Variants in LDLRAD3 observed in about 807,000 individuals in gnomAD.
LDLRAD3 encodes the protein low density lipoprotein receptor class A domain containing 3, also known as low-density lipoprotein receptor class A domain-containing protein 3.
LDLRAD3 carries 20 observed loss-of-function variants against 29.4 expected under a neutral mutation model. The ratio of observed to expected loss-of-function variants is 0.68; its 90% confidence interval spans 0.48 to 0.99. The LOEUF (loss-of-function observed/expected upper bound fraction) is 0.99. Ranked by LOEUF, LDLRAD3 falls within the 50% of genes least tolerant of loss-of-function variation. The probability of loss-of-function intolerance (pLI) is 0.00; values close to 1 mark genes in which losing one functional copy is unlikely to be tolerated. For synonymous variants in LDLRAD3, 157 were observed against 192.7 expected, an observed-to-expected ratio of 0.81 and a Z score of 1.53; for missense variants, 420 against 454.3, an observed-to-expected ratio of 0.92 and a Z score of 0.69.
At chr11:36,180,465 A>G (rs892515577) in intron 4 of LDLRAD3, among the ~76,000 whole-genome samples, 3 of 152,084 alleles carry the variant, frequency 2.0e-5, no homozygotes, top group Admixed American at 2.0e-4. Flanking sequence ...GTACATGTAG[A>G]AGTAAGTAGG....
intron 1 of LDLRAD3, chr11:35,988,914 C>T (rs1851652788): frequency 6.6e-6 from 1 of 152,086 alleles, no homozygotes; most frequent in Non-Finnish European, 1.5e-5. Flanking sequence ...GTTTTTGTTG[C>T]AGTTGCTTTT....
intron 4 of LDLRAD3, among the ~76,000 whole-genome samples, chr11:36,191,704 G>C (rs558617929): frequency 1.3e-5 from 2 of 151,654 alleles, no homozygotes; most frequent in Admixed American, 6.6e-5. Flanking sequence ...ATGAATCTGG[G>C]AAAGACTTTG....
intron 4 of LDLRAD3, among the ~76,000 whole-genome samples, chr11:36,204,295 CG>C (rs1855172989): frequency 6.6e-6 from 1 of 152,076 alleles, no homozygotes; most frequent in Non-Finnish European, 1.5e-5. Flanking sequence ...CTGCTATATC[CG>C]GGGCAGCATA....
At chr11:35,989,561 T>C (rs1389551342) in intron 1 of LDLRAD3, among the ~76,000 whole-genome samples, 1 of 152,220 alleles carries the variant, frequency 6.6e-6, no homozygotes, top group Non-Finnish European at 1.5e-5. Context: ...CAGTGTTTTG[T>C]AATTCTCCTT....
intron 4 of LDLRAD3, among the ~76,000 whole-genome samples, chr11:36,178,928 G>A (rs888318052): frequency 6.6e-6 from 1 of 152,188 alleles, no homozygotes; most frequent in Non-Finnish European, 1.5e-5. Context: ...GTGTCTTGAG[G>A]TCATAGAAGT....
intron 1 of LDLRAD3, among the ~76,000 whole-genome samples, chr11:35,946,098 A>G (rs888591559): frequency 6.6e-6 from 1 of 152,180 alleles, no homozygotes; most frequent in African/African-American, 2.4e-5. Context: ...CTTTGACCCA[A>G]GTGTTGCCAG....
chr11:36,208,051 A>G (rs1378990700), intron 4 of LDLRAD3, among the ~76,000 whole-genome samples: 1 of 152,156 alleles, frequency 6.6e-6, no homozygotes, highest in Non-Finnish European at 1.5e-5. Context: ...TATTAAGAAG[A>G]GTTAGAGTTG....
chr11:35,982,848 CTTTTTTTTTTTTT>C (rs61605411), intron 1 of LDLRAD3, among the ~76,000 whole-genome samples: 3 of 88,728 alleles, frequency 3.4e-5, no homozygotes, highest in Non-Finnish European at 5.9e-5. Flanking sequence ...CTGTTTGCTG[CTTTTTTTTTTTTT>C]TTTTTTTTTT....
chr11:36,085,562 A>G (rs1294117128), intron 3 of LDLRAD3, among the ~76,000 whole-genome samples: 1 of 151,698 alleles, frequency 6.6e-6, no homozygotes, highest in Non-Finnish European at 1.5e-5. Context: ...ACAATGTTAG[A>G]TCTGTTTTTA....
At position 36,229,207 on chromosome 11, in the gene LDLRAD3, A is replaced by C. The variant is rs1475885335; in HGVS notation, c.848A>C (p.Glu283Ala). The C allele has an allele frequency of 6.2e-7, 1 of 1,613,606 alleles. No homozygotes were observed. Among genetic ancestry groups the C allele is most frequent in the Non-Finnish European group, 8.5e-7 (1 of 1,179,898 alleles). The change falls in exon 6 of 6, where the codon GAA (glutamate) becomes GCA (alanine). Residue 283 changes from glutamate (E) to alanine (A), a missense_variant. Physicochemically the swap from Glu to Ala is moderately radical, Grantham distance 107. Coordinates refer to ENST00000315571, the MANE Select transcript of LDLRAD3 (RefSeq NM_174902.4). ...CCACCGCCCTACTCTTCTGACACGG[A>C]ATCTCTGAACCAAGCCGACCTGCCC... ...LPPPPYSSDT[E>A]SLNQADLPPY...
chr11:36,214,112 C>T (rs1172599666), intron 4 of LDLRAD3, among the ~76,000 whole-genome samples: 1 of 152,128 alleles, frequency 6.6e-6, no homozygotes, highest in African/African-American at 2.4e-5. Flanking sequence ...TGGGGCCCAG[C>T]GTTGACAGGA....
chr11:36,067,720 G>C (rs936519628), intron 2 of LDLRAD3, among the ~76,000 whole-genome samples: 12 of 152,220 alleles, frequency 7.9e-5, no homozygotes, highest in Admixed American at 6.5e-4. Flanking sequence ...ACCCACGCTA[G>C]AGTGCATTGG....
chr11:36,186,393 T>A (rs1011162909), intron 4 of LDLRAD3, among the ~76,000 whole-genome samples: 4 of 152,334 alleles, frequency 2.6e-5, no homozygotes, highest in East Asian at 1.9e-4. Flanking sequence ...AGTCTTCTCT[T>A]GCAGTGAGTC....
chr11:36,055,183 T>A, intron 2 of LDLRAD3, among the ~76,000 whole-genome samples: 1 of 97,544 alleles, frequency 1.0e-5, no homozygotes, highest in African/African-American at 3.9e-5. Flanking sequence ...TTTTAAAGGA[T>A]CACTTGATTG....
chr11:36,215,298 C>CT (rs1855337020), intron 4 of LDLRAD3, among the ~76,000 whole-genome samples: 1 of 152,152 alleles, frequency 6.6e-6, no homozygotes, highest in African/African-American at 2.4e-5. Context: ...GGACTTTGGA[C>CT]TTTATTCTGA....
At chr11:36,206,443 G>C (rs1325595815) in intron 4 of LDLRAD3, among the ~76,000 whole-genome samples, 1 of 152,198 alleles carries the variant, frequency 6.6e-6, no homozygotes, top group Non-Finnish European at 1.5e-5. Flanking sequence ...CAACGTGGGA[G>C]AGAGTAAGAT....
intron 1 of LDLRAD3, among the ~76,000 whole-genome samples, chr11:35,950,575 G>T (rs1565118405): frequency 6.6e-6 from 1 of 152,102 alleles, no homozygotes; most frequent in Admixed American, 6.5e-5. Context: ...TACTGTATAT[G>T]TAAAACCTTT....
chr11:36,128,725 T>A (rs1458184449), intron 4 of LDLRAD3, among the ~76,000 whole-genome samples: 2 of 152,070 alleles, frequency 1.3e-5, no homozygotes, highest in Non-Finnish European at 2.9e-5. Flanking sequence ...GATAGGCACC[T>A]GTAGTCTCAG....
At chr11:36,147,700 TATCTGAC>T (rs1258340304) in intron 4 of LDLRAD3, among the ~76,000 whole-genome samples, 1 of 152,206 alleles carries the variant, frequency 6.6e-6, no homozygotes, top group Non-Finnish European at 1.5e-5. Flanking sequence ...TGGTATGATG[TATCTGAC>T]ACTGCAGTTG....
Sources: gnomAD v4.1 joint callset for allele counts (sites outside exome capture counted in the v4.1 genomes callset) on GRCh38, gnomAD v4.1.1 for gene constraint, MANE v1.5 for transcripts, NCBI Gene and HGNC (gene_info 2026-07-23, HGNC 2026-07-21) for gene names.